The following VEPH1 variants were observed in gnomAD, a reference collection of about 807,000 sequenced individuals.
VEPH1 encodes ventricular zone expressed PH domain containing 1.
Under a neutral mutation model 85.2 loss-of-function variants are expected in VEPH1, and 80 were observed. The observed-to-expected ratio is 0.94, with a 90% confidence interval of 0.78 to 1.13. The LOEUF is 1.13. Ranked by LOEUF, VEPH1 falls within the 50% of genes most tolerant of loss-of-function variation. VEPH1 has a pLI of 0.00. For synonymous variants in VEPH1, 297 were observed against 348.0 expected (o/e 0.85, Z 1.63); for missense variants, 955 against 980.5 (o/e 0.97, Z 0.35).
intron 9 of VEPH1, among the ~76,000 whole-genome samples, chr3:157,330,483 A>G (rs1051108415): frequency 6.6e-6 from 1 of 152,186 alleles, no homozygotes; most frequent in Non-Finnish European, 1.5e-5. Context: ...GCAGCCACAT[A>G]GTAACTGGGA....
At chr3:157,392,123 T>C (rs540791541) in intron 6 of VEPH1, among the ~76,000 whole-genome samples, 1 of 151,984 alleles carries the variant, frequency 6.6e-6, no homozygotes, top group African/African-American at 2.4e-5. Context: ...TGCTAAATAA[T>C]AAAACAAAAA....
intron 9 of VEPH1, among the ~76,000 whole-genome samples, chr3:157,351,856 T>C (rs890301261): frequency 6.6e-6 from 1 of 152,326 alleles, no homozygotes; most frequent in African/African-American, 2.4e-5. Context: ...GACCTGCGCA[T>C]TGTAGTATAT....
intron 9 of VEPH1, among the ~76,000 whole-genome samples, chr3:157,336,438 C>A (rs572609926): frequency 6.6e-6 from 1 of 152,262 alleles, no homozygotes; most frequent in African/African-American, 2.4e-5. Flanking sequence ...TATGGCACCT[C>A]TCTTGGACCA....
chr3:157,291,892 G>T (rs1717514390), intron 11 of VEPH1, among the ~76,000 whole-genome samples: 1 of 152,026 alleles, frequency 6.6e-6, no homozygotes, highest in Admixed American at 6.6e-5. Context: ...ATTCAACTAT[G>T]ACCATTAAGA....
At chr3:157,362,103 T>C (rs1378780409) in intron 9 of VEPH1, among the ~76,000 whole-genome samples, 1 of 152,118 alleles carries the variant, frequency 6.6e-6, no homozygotes, top group African/African-American at 2.4e-5. Context: ...CGATATCGGC[T>C]CACTGCAACC....
chr3:157,345,986 A>T (rs1724174038), intron 9 of VEPH1, among the ~76,000 whole-genome samples: 1 of 147,796 alleles, frequency 6.8e-6, no homozygotes, highest in South Asian at 2.3e-4. Context: ...CAATGAGAAC[A>T]CTTGGACACA....
At chr3:157,279,891 C>T (rs1715868382) in intron 12 of VEPH1, among the ~76,000 whole-genome samples, 1 of 151,802 alleles carries the variant, frequency 6.6e-6, no homozygotes, top group South Asian at 2.1e-4. Context: ...TGGCGCATGT[C>T]TGTAGTCCCA....
At chr3:157,436,352 T>C (rs1247671914) in intron 4 of VEPH1, among the ~76,000 whole-genome samples, 1 of 152,204 alleles carries the variant, frequency 6.6e-6, no homozygotes, top group African/African-American at 2.4e-5. Context: ...GGATTGGACT[T>C]GACTTTCAGA....
chr3:157,366,140 T>C (rs1222134820), intron 7 of VEPH1, among the ~76,000 whole-genome samples: 4 of 152,190 alleles, frequency 2.6e-5, no homozygotes, highest in African/African-American at 7.2e-5. Context: ...TCTGAGGGTT[T>C]AGGAGCTGTA....
rs560556258 is a variant in VEPH1 at position 157,262,311 on chromosome 3, A to G, written c.2266-941T>C. Among the ~76,000 whole-genome samples the G allele has an allele frequency of 3.0e-3, 458 of 152,248 alleles. 2 individuals carry two copies. Among genetic ancestry groups the G allele is most frequent in the African/African-American group, 0.01 (425 of 41,566 alleles). On this transcript the variant is annotated intron_variant, in intron 13 of 13. Coordinates refer to ENST00000362010, the MANE Select transcript of VEPH1 (RefSeq NM_001167912.2). ...GAGATACATTTTCAATAATATTTCA[A>G]TTTTTAATGTTTAATAATTATTAAG...
chr3:157,287,151 T>C (rs887669966), intron 11 of VEPH1, among the ~76,000 whole-genome samples: 7 of 152,132 alleles, frequency 4.6e-5, no homozygotes, highest in African/African-American at 1.4e-4. Context: ...GGCAGGCAGA[T>C]TGCCTGAACT....
chr3:157,322,797 A>G (rs1177538966), intron 9 of VEPH1, among the ~76,000 whole-genome samples: 3 of 152,204 alleles, frequency 2.0e-5, no homozygotes, highest in Admixed American at 2.0e-4. Flanking sequence ...TGTATTTCAA[A>G]GACAAAAAAT....
chr3:157,446,817 A>G (rs555580520), intron 4 of VEPH1, among the ~76,000 whole-genome samples: 7 of 152,278 alleles, frequency 4.6e-5, no homozygotes, highest in African/African-American at 1.4e-4. Flanking sequence ...GTGTAGCAGA[A>G]AAGTTTGCTG....
chr3:157,465,386 A>G (rs1015561100), intron 3 of VEPH1, among the ~76,000 whole-genome samples: 1 of 152,182 alleles, frequency 6.6e-6, no homozygotes, highest in Non-Finnish European at 1.5e-5. Context: ...GATAATGATA[A>G]TGATGATGAT....
chr3:157,346,645 T>C (rs138513762), intron 9 of VEPH1, among the ~76,000 whole-genome samples: 3 of 152,174 alleles, frequency 2.0e-5, no homozygotes, highest in African/African-American at 7.2e-5. Flanking sequence ...TCTCACTTCA[T>C]TGCCCAGGCT....
intron 12 of VEPH1, among the ~76,000 whole-genome samples, chr3:157,283,250 C>T (rs1015974393): frequency 2.6e-5 from 4 of 152,118 alleles, no homozygotes; most frequent in Non-Finnish European, 2.9e-5. Context: ...CTGGAATTGG[C>T]TGTCTGGATT....
chr3:157,476,623 C>T (rs1737497543), intron 2 of VEPH1, among the ~76,000 whole-genome samples: 1 of 152,164 alleles, frequency 6.6e-6, no homozygotes, highest in African/African-American at 2.4e-5. Context: ...ACACCATTCT[C>T]CAAGGGGCAG....
chr3:157,425,370 G>C (rs745776805), intron 5 of VEPH1, among the ~76,000 whole-genome samples: 1 of 152,200 alleles, frequency 6.6e-6, no homozygotes, highest in Non-Finnish European at 1.5e-5. Context: ...CCTCCACACA[G>C]AGTCCCTACT....
rs531698928 is a variant in VEPH1, at chr3:157,328,776, C to CG, written c.1736-11576dup. Among the ~76,000 whole-genome samples the CG allele has an allele frequency of 1.1e-4, 17 of 152,214 alleles. No individual in the cohort carries two copies. The East Asian group carries it at 3.1e-3, about 28-fold the overall frequency. On this transcript the variant is annotated intron_variant, in intron 9 of 13. Coordinates refer to ENST00000362010, the MANE Select transcript of VEPH1 (RefSeq NM_001167912.2). ...TGATATTTTGCTCTATTCAAAGCTT[C>CG]GTGGCAGGAAGATAAAAAAAGCTAA...
Sources: gnomAD v4.1 joint callset for allele counts (sites outside exome capture counted in the v4.1 genomes callset) on GRCh38, gnomAD v4.1.1 for gene constraint, MANE v1.5 for transcripts, NCBI Gene and HGNC (gene_info 2026-07-23, HGNC 2026-07-21) for gene names.